CD2AP: variants seen among roughly 807,000 people sequenced by gnomAD.
The protein encoded by CD2AP is CD2 associated protein, also known as CD2-associated protein.
Under a neutral mutation model 85.1 loss-of-function variants are expected in CD2AP, and 46 were observed. The ratio of observed to expected loss-of-function variants is 0.54; its 90% CI spans 0.43 to 0.69. The LOEUF is 0.69. CD2AP is among the 30% of genes least tolerant of loss of function. CD2AP has a pLI of 0.00. For missense variants in CD2AP, 769 were observed against 729.5 expected (o/e 1.05, Z -0.62); for synonymous variants, 255 against 252.9 (o/e 1.01, Z -0.08).
chr6:47,614,928 C>A (rs577949273), intron 17 of CD2AP, among the ~76,000 whole-genome samples: 3 of 152,256 alleles, frequency 2.0e-5, no homozygotes, highest in East Asian at 1.9e-4. Flanking sequence ...TTGGCAATTT[C>A]GACTATTTCC....
intron 2 of CD2AP, among the ~76,000 whole-genome samples, chr6:47,504,256 G>GCT (rs1405561209): frequency 6.6e-6 from 1 of 152,216 alleles, no homozygotes; most frequent in Non-Finnish European, 1.5e-5. Context: ...TAGATTATGA[G>GCT]CTCTTCTAGG....
intron 13 of CD2AP, among the ~76,000 whole-genome samples, chr6:47,605,202 A>G (rs1769236992): frequency 6.6e-6 from 1 of 152,032 alleles, no homozygotes; most frequent in African/African-American, 2.4e-5. Flanking sequence ...TATTAGTTAG[A>G]ACATTTTGGC....
At chr6:47,617,468 C>T (rs1232814027) in intron 17 of CD2AP, among the ~76,000 whole-genome samples, 4 of 152,140 alleles carry the variant, frequency 2.6e-5, no homozygotes, top group Non-Finnish European at 4.4e-5. Context: ...GATGTTTCAT[C>T]ATGAACTTAG....
intron 5 of CD2AP, 115 bp from the exon 6 acceptor site, chr6:47,573,948 TA>T (rs1768228488): frequency 5.4e-6 from 5 of 920,148 alleles, no homozygotes; most frequent in African/African-American, 3.3e-5. Flanking sequence ...CTGAATAGTT[TA>T]ATTTTTTTTC....
intron 3 of CD2AP, among the ~76,000 whole-genome samples, chr6:47,544,317 C>T (rs942690715): frequency 2.6e-5 from 4 of 151,924 alleles, no homozygotes; most frequent in African/African-American, 9.7e-5. Context: ...CTTTTATTGT[C>T]GGTTTTTTTA....
At chr6:47,588,765 C>T (rs895877541) in intron 11 of CD2AP, among the ~76,000 whole-genome samples, 2 of 152,202 alleles carry the variant, frequency 1.3e-5, no homozygotes, top group Admixed American at 6.5e-5. Context: ...CTTGTGATCA[C>T]AAGAATGCTG....
chr6:47,622,229 G>A (rs1325408012), intron 17 of CD2AP, among the ~76,000 whole-genome samples: 1 of 152,184 alleles, frequency 6.6e-6, no homozygotes, highest in Non-Finnish European at 1.5e-5. Context: ...GACAGTGGGC[G>A]AGATGGGCTT....
chr6:47,607,288 C>T (rs1769303267), intron 14 of CD2AP, among the ~76,000 whole-genome samples: 1 of 152,034 alleles, frequency 6.6e-6, no homozygotes, highest in Non-Finnish European at 1.5e-5. Flanking sequence ...GCAGATATCC[C>T]TTTGATATAC....
At chr6:47,508,846 C>T (rs903775846) in intron 2 of CD2AP, among the ~76,000 whole-genome samples, 2 of 152,120 alleles carry the variant, frequency 1.3e-5, no homozygotes, top group African/African-American at 4.8e-5. Flanking sequence ...CTCACACTTT[C>T]TTCATATCAG....
At chr6:47,552,308 C>G (rs1402203120) in intron 4 of CD2AP, among the ~76,000 whole-genome samples, 1 of 151,544 alleles carries the variant, frequency 6.6e-6, no homozygotes, top group African/African-American at 2.4e-5. Context: ...CCCATTCTTT[C>G]CCCCCAAGTC....
chr6:47,556,108 G>A (rs1222333906), intron 5 of CD2AP, among the ~76,000 whole-genome samples: 2 of 141,766 alleles, frequency 1.4e-5, no homozygotes, highest in South Asian at 2.2e-4. Flanking sequence ...TGTACTGAAC[G>A]TGCAGGTTTG....
At chr6:47,572,238 G>A (rs556121534) in intron 5 of CD2AP, among the ~76,000 whole-genome samples, 2 of 152,284 alleles carry the variant, frequency 1.3e-5, no homozygotes, top group African/African-American at 4.8e-5. Context: ...AAGAAGCAGG[G>A]GCCGGGCGCA....
Position 47,624,803 on chromosome 6 carries a change from A to G in CD2AP, c.*576A>G, listed in dbSNP as rs1459515043. ...CCTGTTTGTCTGCAATGCTGTTTAT[A>G]TTTTGGGTGATGAAATAGGAGTTTC... On this transcript the variant is annotated 3_prime_UTR_variant, in exon 18 of 18. Transcript: ENST00000359314. 1.3e-5 allele frequency: 2 copies of G among 151,158 alleles called. No individual in the cohort carries two copies. Among genetic ancestry groups the G allele is most frequent in the African/African-American group, 4.9e-5 (2 of 41,068 alleles). The allele number at this position is 151,158 out of a possible 1,614,324, so 9.4% of individuals were successfully genotyped here.
chr6:47,623,284 TA>T (rs1170907367), intron 17 of CD2AP, among the ~76,000 whole-genome samples: 1 of 152,226 alleles, frequency 6.6e-6, no homozygotes, highest in Non-Finnish European at 1.5e-5. Flanking sequence ...CCAAAGCATG[TA>T]TTGTTTATGT....
chr6:47,532,059 G>T (rs180745589), intron 2 of CD2AP, among the ~76,000 whole-genome samples: 1 of 148,364 alleles, frequency 6.7e-6, no homozygotes, highest in African/African-American at 2.5e-5. Context: ...GGGCAACAGA[G>T]TGAGACTCCT....
intron 5 of CD2AP, among the ~76,000 whole-genome samples, chr6:47,568,100 GA>G (rs1461470938): frequency 6.6e-6 from 1 of 152,102 alleles, no homozygotes; most frequent in Non-Finnish European, 1.5e-5. Context: ...GGGGATGACC[GA>G]AAAAGAGGAG....
At chr6:47,502,405 A>T (rs1766017951) in intron 1 of CD2AP, among the ~76,000 whole-genome samples, 1 of 151,656 alleles carries the variant, frequency 6.6e-6, no homozygotes, top group African/African-American at 2.4e-5. Context: ...CTGGGACTAC[A>T]GGTGTACACT....
intron 1 of CD2AP, among the ~76,000 whole-genome samples, chr6:47,492,003 C>CT (rs1765748153): frequency 1.3e-5 from 2 of 151,928 alleles, no homozygotes; most frequent in African/African-American, 2.4e-5. Context: ...TCGAGATTTC[C>CT]TTTTTTTGGT....
chr6:47,516,345 C>T (rs1020770936), intron 2 of CD2AP, among the ~76,000 whole-genome samples: 2 of 152,216 alleles, frequency 1.3e-5, no homozygotes, highest in African/African-American at 4.8e-5. Context: ...TAGAAAATCA[C>T]GTTCCAGTTT....
Sources: allele counts gnomAD v4.1 joint callset (sites outside exome capture counted in the v4.1 genomes callset), GRCh38; gene constraint gnomAD v4.1.1; transcripts MANE v1.5; gene names NCBI Gene and HGNC (gene_info 2026-07-23, HGNC 2026-07-21).